Variants in PREX1 observed in about 807,000 individuals in gnomAD.
PREX1 encodes phosphatidylinositol-3,4,5-trisphosphate dependent Rac exchange factor 1.
In PREX1, 41 loss-of-function variants were observed where a neutral mutation model predicts 198.3. The observed-to-expected ratio is 0.21, with a 90% CI of 0.16 to 0.27. The LOEUF is 0.27. Ranked by LOEUF, PREX1 falls within the 10% of genes least tolerant of loss-of-function variation. The probability of loss-of-function intolerance (pLI) is 1.00; values close to 1 mark genes in which losing one functional copy is unlikely to be tolerated. For missense variants in PREX1, 1,620 were observed against 2,200.7 expected (o/e 0.74, Z 5.28); for synonymous variants, 843 against 887.2 (o/e 0.95, Z 0.89).
rs1372552999 is a variant in PREX1, at chr20:48,691,227, C to G, written c.1037-131G>C. ...GGATCAGGATGGGGAGCTGGACTTC[C>G]AGCCCTTCAAACGCTCACTTCTTAT... On this transcript the variant is annotated intron_variant, in intron 8 of 39. Coordinates refer to ENST00000371941, the MANE Select transcript of PREX1 (RefSeq NM_020820.4). This position sits in a 1 kb window ranked among gnomAD's most constrained non-coding sequence, Gnocchi z 5.0. 1.6e-5 allele frequency: 18 copies of G among 1,160,110 alleles called. No individual in the cohort carries two copies. The highest frequency in any genetic ancestry group is 2.1e-5 in the Non-Finnish European group (17 of 802,268). The allele number at this position is 1,160,110 out of a possible 1,614,324, so 71.9% of individuals were successfully genotyped here.
At chr20:48,785,881 G>C (rs2090309875) in intron 1 of PREX1, among the ~76,000 whole-genome samples, 1 of 152,254 alleles carries the variant, frequency 6.6e-6, no homozygotes, top group Non-Finnish European at 1.5e-5. Context: ...GGCACAGGAA[G>C]ACAGAGCTTA....
At chr20:48,634,322 GAGGA>G (rs975933021) in intron 33 of PREX1, among the ~76,000 whole-genome samples, 66 of 152,296 alleles carry the variant, frequency 4.3e-4, no homozygotes, top group African/African-American at 1.4e-3. Context: ...ACGAGCAAGG[GAGGA>G]AGGGAGGATG....
At chr20:48,685,877 G>T (rs992779305) in intron 10 of PREX1, among the ~76,000 whole-genome samples, 1 of 144,790 alleles carries the variant, frequency 6.9e-6, no homozygotes, top group East Asian at 2.1e-4. Context: ...CTGGGCAACA[G>T]AGCGAGACCC....
intron 19 of PREX1, 136 bp from the exon 20 acceptor site, chr20:48,653,633 C>T (rs959568707): frequency 1.9e-5 from 20 of 1,063,302 alleles, no homozygotes; most frequent in African/African-American, 1.1e-4. Context: ...ACCCCAGAGC[C>T]GCCCTCTGAC....
At chr20:48,633,978 G>A (rs1203072154) in intron 33 of PREX1, among the ~76,000 whole-genome samples, 1 of 152,090 alleles carries the variant, frequency 6.6e-6, no homozygotes, top group South Asian at 2.1e-4. Flanking sequence ...ATGGACGGAT[G>A]GATGATGGTT....
At chr20:48,706,476 T>C (rs2089903191) in intron 6 of PREX1, among the ~76,000 whole-genome samples, 2 of 152,336 alleles carry the variant, frequency 1.3e-5, no homozygotes, top group Non-Finnish European at 1.5e-5. Flanking sequence ...AAAGTGGCCA[T>C]GTGACCCATT....
At chr20:48,693,745 C>T (rs2089831427) in intron 7 of PREX1, among the ~76,000 whole-genome samples, 2 of 151,462 alleles carry the variant, frequency 1.3e-5, no homozygotes, top group African/African-American at 4.9e-5. Context: ...GTAACTGGGA[C>T]TACAGGCATG....
rs1463550565 is a variant in PREX1, at chr20:48,691,355, C to T, written c.1037-259G>A. On this transcript the variant is annotated intron_variant, in intron 8 of 39. Transcript: ENST00000371941. The surrounding 1 kb of genome is among the most constrained non-coding windows in gnomAD (Gnocchi z 5.0). ...AAGACCTTGCATCTAGGCACAAACA[C>T]AGCAGTGACTCATGGGGAGACACTT... 6.6e-6 allele frequency among the ~76,000 whole-genome samples: 1 copy of T among 152,218 alleles called. No individual in the cohort carries two copies. The highest frequency in any genetic ancestry group is 6.5e-5 in the Admixed American group (1 of 15,288).
chr20:48,827,852 C>A lies in PREX1; in HGVS notation c.9G>T (p.Ala3=). The A allele has an allele frequency of 3.0e-6, 3 of 986,014 alleles. No homozygotes were observed. The highest frequency in any genetic ancestry group is 3.6e-6 in the Non-Finnish European group (3 of 831,660). The allele number at this position is 986,014 out of a possible 1,614,324, so 61.1% of individuals were successfully genotyped here. ...CGCCGCCGGGCTCGCTGCCGCTGGG[C>A]GCCTCCATTCTAGCGCGGCCGCGCG... ME[A]PSGSEPGGDG... is the part of the protein sequence containing the mutation. Residue 3 remains alanine, a synonymous_variant, in exon 1 of 40, where the codon GCG becomes GCT. Transcript: ENST00000371941. This position sits in a 1 kb window ranked among gnomAD's most constrained non-coding sequence, Gnocchi z 4.1.
chr20:48,638,061 T>C (rs543647961), intron 30 of PREX1, among the ~76,000 whole-genome samples: 3 of 152,230 alleles, frequency 2.0e-5, no homozygotes, highest in South Asian at 4.1e-4. Flanking sequence ...CACATAAGTA[T>C]GGTCACACAC....
Position 48,636,533 on chromosome 20 carries a change from T to A in PREX1, c.4097A>T (p.Lys1366Met). Residue 1366 changes from lysine to methionine, a missense_variant, in exon 32 of 40, where the codon AAG becomes ATG. Around this residue, in one of 7 missense-constraint regions of PREX1, gnomAD observed 476 missense variants for 603.4 expected, o/e 0.79. Coordinates refer to ENST00000371941, the MANE Select transcript of PREX1 (RefSeq NM_020820.4). ...YEESSRDASR[K>M]WLEQVAATGV... Reference sequence around the variant, plus strand: ...CGTGGCCGCCACCTGCTCCAGCCACTTGCGGCTGGCGTCGCGGCTGCTCTC... The same window carrying A: ...CGTGGCCGCCACCTGCTCCAGCCACATGCGGCTGGCGTCGCGGCTGCTCTC... 1 of 1,611,598 alleles carries A rather than the reference T, an allele frequency of 6.2e-7. No homozygotes were observed. Among genetic ancestry groups the A allele is most frequent in the Non-Finnish European group, 8.5e-7 (1 of 1,179,608 alleles).
intron 1 of PREX1, among the ~76,000 whole-genome samples, chr20:48,808,351 A>C (rs183745786): frequency 2.6e-5 from 4 of 152,292 alleles, no homozygotes; most frequent in East Asian, 1.9e-4. Context: ...CAGCGAGGTC[A>C]CATCATTAAC....
intron 10 of PREX1, 140 bp downstream of exon 10, chr20:48,688,517 C>T: frequency 9.2e-7 from 1 of 1,090,888 alleles, no homozygotes; most frequent in Non-Finnish European, 1.3e-6. Flanking sequence ...AGGGCTGCTC[C>T]ATAAGGATTC....
At chr20:48,863,499 GT>G in the PREX1 span, among the ~76,000 whole-genome samples, 114 of 103,540 alleles carry the variant, frequency 1.1e-3, 1 homozygote, top group African/African-American at 2.7e-3. Context: ...GGGTTTTTTT[GT>G]TTTTTTTTTT....
chr20:48,803,495 G>C (rs114460576), intron 1 of PREX1, among the ~76,000 whole-genome samples: 1,777 of 152,124 alleles, frequency 0.012, 28 homozygotes, highest in African/African-American at 0.041. Flanking sequence ...GGGGTAAGGG[G>C]GCAAAAGAGG....
chr20:48,659,006 A>T (rs2089567959), intron 16 of PREX1, among the ~76,000 whole-genome samples: 1 of 151,852 alleles, frequency 6.6e-6, no homozygotes, highest in African/African-American at 2.4e-5. Flanking sequence ...AGACGGGTTG[A>T]TCGCTTGATC....
chr20:48,679,877 G>C, intron 11 of PREX1, 123 bp from the exon 12 acceptor site: 1 of 741,900 alleles, frequency 1.3e-6, no homozygotes, highest in Admixed American at 2.2e-5. Flanking sequence ...ACACCCACCA[G>C]CATCAGGCTT....
chr20:48,795,420 C>G (rs1354852565), intron 1 of PREX1, among the ~76,000 whole-genome samples: 2 of 151,702 alleles, frequency 1.3e-5, no homozygotes, highest in African/African-American at 4.8e-5. Flanking sequence ...GCCCCAACCC[C>G]CCACCCCTGA....
chr20:48,814,101 C>T (rs755941305), intron 1 of PREX1, among the ~76,000 whole-genome samples: 4 of 152,318 alleles, frequency 2.6e-5, no homozygotes, highest in Non-Finnish European at 4.4e-5. Context: ...ACCCAGGCTG[C>T]GGCTGCCCCT....
Sources: allele counts gnomAD v4.1 joint callset (sites outside exome capture counted in the v4.1 genomes callset), GRCh38; gene constraint gnomAD v4.1.1; regional missense constraint gnomAD v4.1.1; non-coding constraint Gnocchi (gnomAD v3.1); transcripts MANE v1.5; gene names NCBI Gene and HGNC (gene_info 2026-07-23, HGNC 2026-07-21).